FRMD1: variants seen among roughly 807,000 people sequenced by gnomAD.
The protein encoded by FRMD1 is FERM domain-containing protein 1.
In FRMD1, 51 loss-of-function variants were observed where a neutral mutation model predicts 54.9. That is an observed-to-expected ratio of 0.93 (90% CI 0.74 to 1.17). The LOEUF (loss-of-function observed/expected upper bound fraction) is 1.17, where lower values mean the gene tolerates loss of function less well. Ranked by LOEUF, FRMD1 falls within the 50% of genes most tolerant of loss-of-function variation. FRMD1 has a pLI of 0.00. For missense variants in FRMD1, 729 were observed against 743.0 expected, an observed-to-expected ratio of 0.98 and a Z score of 0.22; for synonymous variants, 324 against 306.4, an observed-to-expected ratio of 1.06 and a Z score of -0.60.
chr6:168,086,272 G>C (rs571671654), upstream of FRMD1, among the ~76,000 whole-genome samples: 2 of 129,966 alleles, frequency 1.5e-5, no homozygotes, highest in African/African-American at 6.3e-5. Flanking sequence ...ATGGACACCC[G>C]CGTCCCCAGC....
intron 10 of FRMD1, chr6:168,057,621 C>T (rs561454985): frequency 8.1e-5 from 37 of 458,254 alleles, no homozygotes; most frequent in African/African-American, 7.0e-4. Context: ...GGACTCTTAG[C>T]GTTTGGTGTA....
rs1250018950 is a variant in FRMD1 at position 168,062,878 on chromosome 6, G to A, written c.870+16C>T. 4 of 1,612,730 alleles carry A rather than the reference G, an allele frequency of 2.5e-6. No homozygotes were observed. The highest frequency in any genetic ancestry group is 2.2e-5 in the East Asian group (1 of 44,862). ...CAGGACGAGGGGCTCTGTGAGGCTG[G>A]AGCCCCTTCGGTCACCTGGTAGATG... is the stretch of plus-strand genomic sequence containing the variant. On this transcript the variant is annotated intron_variant, in intron 7 of 10. Transcript: ENST00000283309.
chr6:168,078,788 CCACCCAGGGCCCTGCTCACCCCCACG>C, intron 1 of FRMD1, 68 bp downstream of exon 1: 3 of 90,676 alleles, frequency 3.3e-5, no homozygotes, highest in Non-Finnish European at 3.3e-5. Context: ...ACCCCCACGG[CCACCCAGGGCCCTGCTCACCCCCACG>C]GCCACCCGGA....
At chr6:168,080,034 T>A (rs1325391910), upstream of FRMD1, among the ~76,000 whole-genome samples, 2 of 152,028 alleles carry the variant, frequency 1.3e-5, no homozygotes, top group East Asian at 3.9e-4. Flanking sequence ...AGCCGTGAGC[T>A]CCATCAGTTT....
At chr6:168,058,853 G>A (rs1380390269) in intron 10 of FRMD1, among the ~76,000 whole-genome samples, 1 of 152,096 alleles carries the variant, frequency 6.6e-6, no homozygotes, top group African/African-American at 2.4e-5. Context: ...GTGACACTCA[G>A]GGCCCGGCCA....
intron 1 of FRMD1, among the ~76,000 whole-genome samples, chr6:168,091,809 G>A (rs1260125492): frequency 3.9e-5 from 6 of 152,204 alleles, no homozygotes; most frequent in African/African-American, 1.4e-4. Context: ...GAAACAAAAC[G>A]GCCTCTGTTC....
chr6:168,072,704 C>CGATTT (rs1267713950), intron 2 of FRMD1, among the ~76,000 whole-genome samples: 1 of 152,004 alleles, frequency 6.6e-6, no homozygotes, highest in African/African-American at 2.4e-5. Context: ...ACCCCGCCCT[C>CGATTT]GATTTGTTTT....
At chr6:168,071,253 C>T (rs1800292646) in intron 2 of FRMD1, among the ~76,000 whole-genome samples, 1 of 152,242 alleles carries the variant, frequency 6.6e-6, no homozygotes, top group African/African-American at 2.4e-5. Flanking sequence ...AGCCCCAAAT[C>T]ACATCTCTTG....
At chr6:168,066,389 T>C in intron 4 of FRMD1, 1 of 469,244 alleles carries the variant, frequency 2.1e-6, no homozygotes, top group Non-Finnish European at 2.8e-6. Flanking sequence ...TCCCAGCTAC[T>C]CTGGAGACTA....
Position 168,064,920 on chromosome 6 carries a change from G to T in FRMD1, c.599C>A (p.Ser200Ter). ...LQADLGEHRE[S>*]AHAGRYFEPH... ...CTCGAAGTACCTCCCGGCATGGGCC[G>T]ACTCCCGGTGCTCGCCCAGGTCAGC... is the stretch of plus-strand genomic sequence containing the variant. Residue 200 changes from serine (S) to a stop codon, truncating the protein, a stop_gained, in exon 5 of 11, where the codon TCG (serine) becomes TAG (stop). Transcript: ENST00000283309. LOFTEE classifies it high-confidence loss of function. 6.2e-7 allele frequency: 1 copy of T among 1,604,438 alleles called. No individual in the cohort carries two copies. Among genetic ancestry groups the T allele is most frequent in the Non-Finnish European group, 8.5e-7 (1 of 1,176,192 alleles).
At chr6:168,064,078 T>A (rs1464436429) in intron 5 of FRMD1, among the ~76,000 whole-genome samples, 1 of 152,180 alleles carries the variant, frequency 6.6e-6, no homozygotes, top group Non-Finnish European at 1.5e-5. Flanking sequence ...GAGGACCAGC[T>A]GGGGCCATCA....
In FRMD1 at chr6:168,060,668, G is replaced by T. The variant is rs1441192646; in HGVS notation, c.1342+93C>A. 7 of 1,331,796 alleles carry T rather than the reference G, an allele frequency of 5.3e-6. No individual in the cohort carries two copies. In the African/African-American group the frequency reaches 5.8e-5, roughly 11 times the overall value. The allele number at this position is 1,331,796 out of a possible 1,614,324, so 82.5% of individuals were successfully genotyped here. On this transcript the variant is annotated intron_variant, in intron 9 of 10. Coordinates refer to ENST00000283309, the MANE Select transcript of FRMD1 (RefSeq NM_024919.6). The stretch of plus-strand genomic sequence containing the variant: ...TCTGGCCACTGGAGGGCAGGCCAGG[G>T]CTTTGCTGCCTCGGTGTCCAGGGTC...
upstream of FRMD1, among the ~76,000 whole-genome samples, chr6:168,081,130 G>A (rs1332420782): frequency 6.6e-6 from 1 of 152,182 alleles, no homozygotes; most frequent in African/African-American, 2.4e-5. Context: ...GAGTGCCAGG[G>A]AGAGCTGGGC....
chr6:168,092,501 G>A (rs1013680139), intron 1 of FRMD1, among the ~76,000 whole-genome samples: 3 of 151,612 alleles, frequency 2.0e-5, no homozygotes, highest in Non-Finnish European at 1.5e-5. Context: ...CATCATGTGA[G>A]GTTTGGGAGG....
Position 168,063,613 on chromosome 6 carries a change from G to A in FRMD1, c.792C>T (p.Phe264=). 1 of 1,612,044 alleles carries A rather than the reference G, an allele frequency of 6.2e-7. No homozygotes were observed. The highest frequency in any genetic ancestry group is 8.5e-7 in the Non-Finnish European group (1 of 1,179,168). ...CRLEDVPVHF[F]RLHKDKKEGR... ...CCCTGGGCTCGACCTTGTGCAGCCT[G>A]AAGAAGTGCACGGGCACGTCCTCCA... Residue 264 remains phenylalanine, a synonymous_variant, in exon 6 of 11, where the codon TTC becomes TTT. Transcript: ENST00000283309.
intron 4 of FRMD1, chr6:168,065,336 C>A: frequency 1.6e-6 from 2 of 1,235,584 alleles, no homozygotes; most frequent in Non-Finnish European, 2.0e-6. Flanking sequence ...GTGAGCTTGG[C>A]CTTCACCAAA....
At chr6:168,071,472 A>G (rs1341978560) in intron 2 of FRMD1, among the ~76,000 whole-genome samples, 1 of 152,158 alleles carries the variant, frequency 6.6e-6, no homozygotes, top group Non-Finnish European at 1.5e-5. Flanking sequence ...TGCTGGGTGG[A>G]GGTGCCAAAC....
chr6:168,056,999 C>T lies in FRMD1; in HGVS notation c.*98G>A, dbSNP rs111858941. 3.0e-6 allele frequency: 4 copies of T among 1,347,642 alleles called. No individual in the cohort carries two copies. In the African/African-American group the frequency reaches 4.5e-5, roughly 15 times the overall value. The allele number at this position is 1,347,642 out of a possible 1,614,324, so 83.5% of individuals were successfully genotyped here. ...AGCGTGCTGGCTGCGGAAGTGCAGG[C>T]AGCATCTGGCGGGCAGGAAGGGACG... On this transcript the variant is annotated 3_prime_UTR_variant, in exon 11 of 11. Transcript: ENST00000283309.
intron 8 of FRMD1, 47 bp from the exon 9 acceptor site, chr6:168,061,104 G>A: frequency 6.4e-7 from 1 of 1,558,442 alleles, no homozygotes; most frequent in South Asian, 1.2e-5. Context: ...AGAGGGACCA[G>A]CCCTGCTGAT....
Sources: allele counts gnomAD v4.1 joint callset (sites outside exome capture counted in the v4.1 genomes callset), GRCh38; gene constraint gnomAD v4.1.1; transcripts MANE v1.5; gene names NCBI Gene and HGNC (gene_info 2026-07-23, HGNC 2026-07-21).